The following SLC9C1 variants were observed in gnomAD, a reference collection of about 807,000 sequenced individuals.
SLC9C1 encodes the protein solute carrier family 9 member C1.
In SLC9C1, 97 loss-of-function variants were observed where a neutral mutation model predicts 140.9. The ratio of observed to expected loss-of-function variants is 0.69; its 90% CI spans 0.58 to 0.82. The LOEUF (loss-of-function observed/expected upper bound fraction) is 0.82. Among genes scored for constraint, SLC9C1 ranks in the 40% least tolerant of loss-of-function variants. The pLI is 0.00. For synonymous variants in SLC9C1, 440 were observed against 442.6 expected, an observed-to-expected ratio of 0.99 and a Z score of 0.07; for missense variants, 1,340 against 1,389.3, an observed-to-expected ratio of 0.96 and a Z score of 0.56.
intron 1 of SLC9C1, among the ~76,000 whole-genome samples, chr3:112,291,852 G>C (rs1444978403): frequency 6.6e-6 from 1 of 152,144 alleles, no homozygotes; most frequent in Non-Finnish European, 1.5e-5. Context: ...CAAAAGCAAA[G>C]TCATAGAATC....
intron 2 of SLC9C1, 28 bp from the exon 3 acceptor site, chr3:112,280,811 G>A: frequency 6.3e-7 from 1 of 1,579,772 alleles, no homozygotes; most frequent in East Asian, 2.2e-5. Context: ...TTACTGAAAG[G>A]CAATGAGATA....
chr3:112,216,008 A>T (rs2078356636), intron 15 of SLC9C1, among the ~76,000 whole-genome samples: 1 of 152,232 alleles, frequency 6.6e-6, no homozygotes, highest in Non-Finnish European at 1.5e-5. Flanking sequence ...CAAAACAGAG[A>T]TATAGACGAA....
intron 28 of SLC9C1, among the ~76,000 whole-genome samples, chr3:112,145,403 T>C (rs1417292768): frequency 6.6e-6 from 1 of 152,172 alleles, no homozygotes; most frequent in South Asian, 2.1e-4. Flanking sequence ...ATTGGGAATA[T>C]TGGCCTGTAG....
At chr3:112,158,021 C>T (rs893182346) in intron 26 of SLC9C1, among the ~76,000 whole-genome samples, 11 of 151,856 alleles carry the variant, frequency 7.2e-5, no homozygotes, top group Non-Finnish European at 1.3e-4. Context: ...TTTCCCTCGC[C>T]TAATTGCTCT....
intron 23 of SLC9C1, among the ~76,000 whole-genome samples, chr3:112,177,234 T>C (rs2077357080): frequency 6.6e-6 from 1 of 152,004 alleles, no homozygotes; most frequent in African/African-American, 2.4e-5. Context: ...CTCAAACTCC[T>C]GACCTCAGGT....
intron 1 of SLC9C1, among the ~76,000 whole-genome samples, chr3:112,293,682 C>T (rs1395214914): frequency 6.6e-6 from 1 of 152,168 alleles, no homozygotes. Context: ...CTATTGCCCT[C>T]CTAATGCCCC....
intron 10 of SLC9C1, among the ~76,000 whole-genome samples, chr3:112,257,198 AT>A (rs2079632224): frequency 1.3e-5 from 2 of 152,206 alleles, no homozygotes; most frequent in Admixed American, 1.3e-4. Flanking sequence ...AGAAAAATCT[AT>A]TTTAAAATTC....
chr3:112,269,562 A>G (rs1174831458), intron 7 of SLC9C1, among the ~76,000 whole-genome samples: 3 of 152,218 alleles, frequency 2.0e-5, no homozygotes, highest in Non-Finnish European at 4.4e-5. Context: ...GTAAAACTCT[A>G]TATATCTTAT....
At chr3:112,190,017 C>T (rs1012428522) in intron 20 of SLC9C1, among the ~76,000 whole-genome samples, 5 of 151,990 alleles carry the variant, frequency 3.3e-5, no homozygotes, top group Non-Finnish European at 7.4e-5. Flanking sequence ...AGTTCTCCCA[C>T]GATTTGGCTC....
rs980117037 is a variant in SLC9C1, at chr3:112,141,170, C to T, written c.*102G>A. On this transcript the variant is annotated 3_prime_UTR_variant, in exon 29 of 29. Coordinates refer to ENST00000305815, the MANE Select transcript of SLC9C1 (RefSeq NM_183061.3). ...GCACCAAGATCATCCACACAGGATC[C>T]AACCTGAAGTTACTCCTTCTTGATG... 8.0e-7 allele frequency: 1 copy of T among 1,244,522 alleles called. No individual in the cohort carries two copies. 77.1% of individuals were successfully genotyped at this position (1,244,522 alleles called of 1,614,324 possible).
At chr3:112,237,867 T>C (rs1193401760) in intron 12 of SLC9C1, among the ~76,000 whole-genome samples, 1 of 152,206 alleles carries the variant, frequency 6.6e-6, no homozygotes, top group Non-Finnish European at 1.5e-5. Flanking sequence ...TAACCCAACT[T>C]TTCTCTCTGG....
chr3:112,198,679 G>T (rs1382626922), intron 20 of SLC9C1, among the ~76,000 whole-genome samples: 3 of 151,478 alleles, frequency 2.0e-5, no homozygotes, highest in African/African-American at 4.8e-5. Flanking sequence ...CTCTTAATAT[G>T]TGAGTTACAT....
At chr3:112,169,875 A>C (rs919458482) in intron 23 of SLC9C1, among the ~76,000 whole-genome samples, 1 of 152,080 alleles carries the variant, frequency 6.6e-6, no homozygotes, top group Non-Finnish European at 1.5e-5. Flanking sequence ...GATGTTTTTC[A>C]TTTGTTTGTG....
chr3:112,283,064 TA>T (rs2080402698), intron 2 of SLC9C1, among the ~76,000 whole-genome samples: 1 of 151,958 alleles, frequency 6.6e-6, no homozygotes, highest in Non-Finnish European at 1.5e-5. Context: ...TACCGAGGAG[TA>T]AACATGGTAC....
intron 20 of SLC9C1, among the ~76,000 whole-genome samples, chr3:112,189,956 G>T (rs1320245382): frequency 6.6e-6 from 1 of 152,156 alleles, no homozygotes; most frequent in African/African-American, 2.4e-5. Flanking sequence ...CACATCCCTT[G>T]TAAGTTGGAT....
chr3:112,262,275 T>A (rs1458077242), intron 10 of SLC9C1, among the ~76,000 whole-genome samples: 1 of 151,996 alleles, frequency 6.6e-6, no homozygotes, highest in Non-Finnish European at 1.5e-5. Context: ...TTAAAGGCAG[T>A]TTAAAGATTA....
At chr3:112,248,638 T>A (rs1323413271) in intron 10 of SLC9C1, among the ~76,000 whole-genome samples, 4 of 152,150 alleles carry the variant, frequency 2.6e-5, no homozygotes, top group African/African-American at 9.7e-5. Context: ...TATCTACCAG[T>A]TTGTGTGCCT....
chr3:112,240,173 A>G (rs1174536684), intron 11 of SLC9C1, among the ~76,000 whole-genome samples, 167 bp from the exon 12 acceptor site: 1 of 152,234 alleles, frequency 6.6e-6, no homozygotes, highest in East Asian at 1.9e-4. Context: ...TTCTGCTTTC[A>G]TATTTCTTCT....
chr3:112,282,168 T>G (rs1691871452), intron 2 of SLC9C1, among the ~76,000 whole-genome samples: 1 of 152,230 alleles, frequency 6.6e-6, no homozygotes, highest in Non-Finnish European at 1.5e-5. Flanking sequence ...CAATGGCCAT[T>G]TTAATAAATG....
Sources: gnomAD v4.1 joint callset for allele counts (sites outside exome capture counted in the v4.1 genomes callset) on GRCh38, gnomAD v4.1.1 for gene constraint, MANE v1.5 for transcripts, NCBI Gene and HGNC (gene_info 2026-07-23, HGNC 2026-07-21) for gene names.